NUDT9: variants seen among roughly 807,000 people sequenced by gnomAD.
The protein encoded by NUDT9 is ADP-ribose pyrophosphatase.
Under a neutral mutation model 41.0 loss-of-function variants are expected in NUDT9, and 31 were observed. The ratio of observed to expected loss-of-function variants is 0.76; its 90% confidence interval spans 0.57 to 1.02. NUDT9 has a LOEUF of 1.02. Among genes scored for constraint, NUDT9 ranks in the 50% least tolerant of loss-of-function variants. The probability of loss-of-function intolerance (pLI) is 0.00; values close to 1 mark genes in which losing one functional copy is unlikely to be tolerated. For synonymous variants in NUDT9, 146 were observed against 147.6 expected (o/e 0.99, Z 0.08); for missense variants, 380 against 431.4 (o/e 0.88, Z 1.06).
intron 4 of NUDT9, among the ~76,000 whole-genome samples, chr4:87,446,632 G>A (rs1417775781): frequency 2.0e-5 from 3 of 152,124 alleles, no homozygotes; most frequent in Non-Finnish European, 4.4e-5. Context: ...GATTGTCCAG[G>A]TTCAAAGTTG....
intron 4 of NUDT9, among the ~76,000 whole-genome samples, chr4:87,446,370 G>A (rs1479120233): frequency 2.0e-5 from 3 of 150,974 alleles, no homozygotes; most frequent in Non-Finnish European, 4.4e-5. Context: ...CAAGTAGCTG[G>A]GACTATAGGT....
At chr4:87,431,489 C>T (rs745563000) in intron 1 of NUDT9, among the ~76,000 whole-genome samples, 5 of 152,112 alleles carry the variant, frequency 3.3e-5, no homozygotes, top group East Asian at 1.9e-4. Flanking sequence ...ATTGAATCTG[C>T]GGATAACTTT....
chr4:87,438,201 A>C (rs1722042405), intron 2 of NUDT9, 76 bp from the exon 3 acceptor site: 1 of 769,748 alleles, frequency 1.3e-6, no homozygotes, highest in Admixed American at 2.0e-5. Flanking sequence ...TATGGATAAC[A>C]GATTGACTTT....
Position 87,438,297 on chromosome 4 carries a change from A to C in NUDT9, c.368A>C (p.Lys123Thr), listed in dbSNP as rs1560792089. Residue 123 changes from lysine (K) to threonine (T), a missense_variant, in exon 3 of 8, where the codon AAG becomes ACG. Transcript: ENST00000302174. ...TACAGTGAAAGTAATTTTTCTCCCA[A>C]GTTTAACGAAAAGGATGGGCATGTT... Reference protein sequence around the residue: ...PQISESNFSPKFNEKDGHVER... With the variant: ...PQISESNFSPTFNEKDGHVER... 2.5e-6 allele frequency: 4 copies of C among 1,608,030 alleles called. No homozygotes were observed. Among genetic ancestry groups the C allele is most frequent in the Non-Finnish European group, 3.4e-6 (4 of 1,175,028 alleles).
intron 7 of NUDT9, 71 bp from the exon 8 acceptor site, chr4:87,457,772 A>G (rs769534307): frequency 1.3e-5 from 18 of 1,354,432 alleles, no homozygotes; most frequent in Admixed American, 7.8e-5. Context: ...TTAAATAAGA[A>G]TACTTGACGA....
At chr4:87,427,294 A>G (rs145882967) in intron 1 of NUDT9, among the ~76,000 whole-genome samples, 1 of 152,330 alleles carries the variant, frequency 6.6e-6, no homozygotes, top group African/African-American at 2.4e-5. Flanking sequence ...CCACGTCAGT[A>G]TTGCATTTTT....
chr4:87,433,629 A>G (rs1578068058), intron 1 of NUDT9, among the ~76,000 whole-genome samples: 2 of 152,182 alleles, frequency 1.3e-5, no homozygotes, highest in Non-Finnish European at 2.9e-5. Flanking sequence ...TAATTTTACC[A>G]TGTCCTCAGA....
chr4:87,457,236 ATTTTTTTTTT>A (rs34596563), intron 7 of NUDT9, among the ~76,000 whole-genome samples: 1 of 126,648 alleles, frequency 7.9e-6, no homozygotes, highest in African/African-American at 3.0e-5. Context: ...GATAATTTAA[ATTTTTTTTTT>A]TTTTTTTTGA....
intron 1 of NUDT9, among the ~76,000 whole-genome samples, chr4:87,430,188 A>C (rs1282035735): frequency 6.6e-6 from 1 of 152,242 alleles, no homozygotes; most frequent in Non-Finnish European, 1.5e-5. Flanking sequence ...GCCATGAGCC[A>C]CAGAATGCAG....
chr4:87,452,538 C>A (rs1266037898), intron 6 of NUDT9, among the ~76,000 whole-genome samples: 2 of 151,960 alleles, frequency 1.3e-5, no homozygotes, highest in Non-Finnish European at 2.9e-5. Context: ...GCAGTTTTGA[C>A]CTCTTGGGCT....
At position 87,449,195 on chromosome 4, in the gene NUDT9, A is replaced by T; in HGVS notation, c.584A>T (p.His195Leu). Residue 195 changes from histidine to leucine, a missense_variant, in exon 5 of 8, where the codon CAT becomes CTT. His to Leu is a moderately conservative substitution (Grantham distance 99, BLOSUM62 -3). Transcript: ENST00000302174. ...NKIMHPVSGK[H>L]ILQFVAIKRK... Reference sequence around the variant, plus strand: ...ATCATGCATCCTGTTTCTGGGAAGCATATCTTACAATTTGTTGCAATAAAA... The same window carrying T: ...ATCATGCATCCTGTTTCTGGGAAGCTTATCTTACAATTTGTTGCAATAAAA... The T allele has an allele frequency of 6.2e-7, 1 of 1,611,948 alleles. No individual in the cohort carries two copies. Among genetic ancestry groups the T allele is most frequent in the Non-Finnish European group, 8.5e-7 (1 of 1,178,108 alleles).
chr4:87,449,056 A>G (rs1722595743), intron 4 of NUDT9, 86 bp from the exon 5 acceptor site: 3 of 741,266 alleles, frequency 4.0e-6, no homozygotes, highest in Middle Eastern at 5.1e-4. Flanking sequence ...CTTTAAAGAA[A>G]AAGTCCTTGT....
Position 87,435,012 on chromosome 4 carries a change from A to G in NUDT9, c.139A>G (p.Asn47Asp). ...GTTTTCATCTTCTTGGTTTCATCTT[A>G]ATACCAACGTCATGTCTGGTTCTAA... ...NSFSSSWFHL[N>D]TNVMSGSNGS... Residue 47 changes from asparagine to aspartate, a missense_variant, in exon 2 of 8, where the codon AAT (asparagine) becomes GAT (aspartate). Asn to Asp is a conservative substitution (Grantham distance 23). Coordinates refer to ENST00000302174, the MANE Select transcript of NUDT9 (RefSeq NM_024047.5). 1 of 1,613,494 alleles carries G rather than the reference A, an allele frequency of 6.2e-7. No individual in the cohort carries two copies. The highest frequency in any genetic ancestry group is 8.5e-7 in the Non-Finnish European group (1 of 1,179,588).
At chr4:87,433,674 G>A (rs926075157) in intron 1 of NUDT9, among the ~76,000 whole-genome samples, 3 of 152,092 alleles carry the variant, frequency 2.0e-5, no homozygotes, top group African/African-American at 7.2e-5. Context: ...CTAATTTAAG[G>A]TCATCAAGAA....
At chr4:87,456,029 G>A (rs1230015590) in intron 7 of NUDT9, among the ~76,000 whole-genome samples, 2 of 152,116 alleles carry the variant, frequency 1.3e-5, no homozygotes, top group South Asian at 2.1e-4. Context: ...GTTCTTTAGC[G>A]TGAGGTTTTA....
rs573699194 is a variant in NUDT9, at chr4:87,443,172, T to C, written c.530+1257T>C. On this transcript the variant is annotated intron_variant, in intron 4 of 7. Coordinates refer to ENST00000302174, the MANE Select transcript of NUDT9 (RefSeq NM_024047.5). ...CATTAGGTGATAGGAATGTTTCAGCTCCATTGTAATCTTATGGGACCACCG... is the reference window on the plus strand; with the variant it reads ...CATTAGGTGATAGGAATGTTTCAGCCCCATTGTAATCTTATGGGACCACCG... Among the ~76,000 whole-genome samples the C allele has an allele frequency of 3.9e-5, 6 of 152,238 alleles. No homozygotes were observed. The South Asian group carries it at 1.2e-3, about 32-fold the overall frequency.
intron 4 of NUDT9, among the ~76,000 whole-genome samples, chr4:87,447,138 A>G (rs1394798444): frequency 6.6e-6 from 1 of 152,212 alleles, no homozygotes; most frequent in Non-Finnish European, 1.5e-5. Flanking sequence ...GCTAGACCCC[A>G]TATGAACATT....
At chr4:87,457,780 C>A (rs536624895) in intron 7 of NUDT9, 63 bp from the exon 8 acceptor site, 2 of 1,411,150 alleles carry the variant, frequency 1.4e-6, no homozygotes, top group Non-Finnish European at 2.0e-6. Flanking sequence ...GAATACTTGA[C>A]GACATAGATA....
intron 7 of NUDT9, 37 bp from the exon 8 acceptor site, chr4:87,457,806 G>C (rs773214005): frequency 1.3e-6 from 2 of 1,577,538 alleles, no homozygotes; most frequent in Admixed American, 3.5e-5. Context: ...AAACAGAAAT[G>C]AGTTTTTCTT....
Sources: allele counts gnomAD v4.1 joint callset (sites outside exome capture counted in the v4.1 genomes callset), GRCh38; gene constraint gnomAD v4.1.1; transcripts MANE v1.5; gene names NCBI Gene and HGNC (gene_info 2026-07-23, HGNC 2026-07-21).